ADCY1: variants seen among roughly 807,000 people sequenced by gnomAD.
ADCY1 encodes adenylate cyclase 1.
Under a neutral mutation model 105.4 loss-of-function variants are expected in ADCY1, and 28 were observed. The ratio of observed to expected loss-of-function variants is 0.27; its 90% CI spans 0.20 to 0.36. The LOEUF (loss-of-function observed/expected upper bound fraction) is 0.36, where lower values mean the gene tolerates loss of function less well. ADCY1 is among the 10% of genes least tolerant of loss of function. ADCY1 has a pLI of 1.00. For synonymous variants in ADCY1, 655 were observed against 623.8 expected (o/e 1.05, Z -0.75); for missense variants, 977 against 1,434.2 (o/e 0.68, Z 5.15).
intron 4 of ADCY1, among the ~76,000 whole-genome samples, chr7:45,624,789 C>G (rs1794005132): frequency 6.6e-6 from 1 of 152,204 alleles, no homozygotes; most frequent in East Asian, 1.9e-4. Flanking sequence ...AGCTGGTCAT[C>G]TTGGGAACTT....
intron 7 of ADCY1, among the ~76,000 whole-genome samples, chr7:45,660,794 C>A (rs1039647592): frequency 6.4e-5 from 8 of 125,426 alleles, no homozygotes; most frequent in African/African-American, 1.9e-4. Context: ...GGTGAGGGTG[C>A]AGGGCTCAGG....
rs1785429980 is a variant in ADCY1, at chr7:45,719,639, AC to A, written c.*5645del. The A allele has an allele frequency of 6.6e-6, 1 of 152,274 alleles. No individual in the cohort carries two copies. The highest frequency in any genetic ancestry group is 1.5e-5 in the Non-Finnish European group (1 of 68,048). The allele number at this position is 152,274 out of a possible 1,614,324, so 9.4% of individuals were successfully genotyped here. ...TCAAATCCATGTGTGTGCCTGCATT[AC>A]ATGTGTGAACACGTGTTTCTGTCGT... On this transcript the variant is annotated 3_prime_UTR_variant, in exon 20 of 20. Transcript: ENST00000297323.
Position 45,579,865 on chromosome 7 carries a change from G to T in ADCY1, c.639+4683G>T, listed in dbSNP as rs533461200. On this transcript the variant is annotated intron_variant, in intron 1 of 19. Coordinates refer to ENST00000297323, the MANE Select transcript of ADCY1 (RefSeq NM_021116.4). The stretch of plus-strand genomic sequence containing the variant: ...TGTGGCAGCCTCGCTGCTTCCTCCA[G>T]CTCCAGATTGCCCCCAGGCCTGTGT... Among the ~76,000 whole-genome samples the T allele has an allele frequency of 3.3e-5, 5 of 152,244 alleles. No homozygotes were observed. In the South Asian group the frequency reaches 1.0e-3, roughly 32 times the overall value.
rs1207921576 is a variant in ADCY1 at position 45,584,891 on chromosome 7, T to C, written c.640-7868T>C. On this transcript the variant is annotated intron_variant, in intron 1 of 19. Transcript: ENST00000297323. ...ATGAGGGCGAGTCTGCTTAGGAGTATGGTGGAAAGTTCAGGAGATGCCAGG... is the reference window on the plus strand; with the variant it reads ...ATGAGGGCGAGTCTGCTTAGGAGTACGGTGGAAAGTTCAGGAGATGCCAGG... 2.6e-5 allele frequency among the ~76,000 whole-genome samples: 4 copies of C among 152,232 alleles called. No individual in the cohort carries two copies. The East Asian group carries it at 5.8e-4, about 22-fold the overall frequency.
chr7:45,707,570 A>G (rs1785145570), intron 17 of ADCY1, among the ~76,000 whole-genome samples: 1 of 152,194 alleles, frequency 6.6e-6, no homozygotes, highest in South Asian at 2.1e-4. Context: ...GGGCAGTGAA[A>G]CTGTTGTATG....
In ADCY1 at chr7:45,664,312, T is replaced by G. The variant is rs548882790; in HGVS notation, c.1605+2098T>G. The G allele has an allele frequency of 5.2e-6, 8 of 1,536,146 alleles. No individual in the cohort carries two copies. In the South Asian group the frequency reaches 9.5e-5, roughly 18 times the overall value. ...AGGTTCAGATCCATCCCTCACTGAGTGGCCTGGATGTCCTCCTGGGGTTTT... is the reference window on the plus strand; with the variant it reads ...AGGTTCAGATCCATCCCTCACTGAGGGGCCTGGATGTCCTCCTGGGGTTTT... On this transcript the variant is annotated intron_variant, in intron 8 of 19. Coordinates refer to ENST00000297323, the MANE Select transcript of ADCY1 (RefSeq NM_021116.4).
intron 14 of ADCY1, among the ~76,000 whole-genome samples, chr7:45,690,213 G>C (rs1274732038): frequency 6.6e-6 from 1 of 152,198 alleles, no homozygotes; most frequent in Non-Finnish European, 1.5e-5. Context: ...TGGAGGTAGA[G>C]TGGGTCTCCA....
chr7:45,714,314 C>A lies in ADCY1; in HGVS notation c.*319C>A. ...TTCCAGCAAGCCTGTTCAGGTTTGG[C>A]CAGGTCGGCATCAATGTAAGGACCT... On this transcript the variant is annotated 3_prime_UTR_variant, in exon 20 of 20. Transcript: ENST00000297323. 1 of 376,872 alleles carries A rather than the reference C, an allele frequency of 2.7e-6. No homozygotes were observed. The highest frequency in any genetic ancestry group is 4.8e-6 in the Non-Finnish European group (1 of 206,648). 23.3% of individuals were successfully genotyped at this position (376,872 alleles called of 1,614,324 possible). A position where few individuals can be genotyped will look rare whatever the true frequency, so the allele number is the denominator to read the frequency against.
intron 19 of ADCY1, among the ~76,000 whole-genome samples, chr7:45,712,226 T>C (rs1317646106): frequency 2.5e-5 from 3 of 117,920 alleles, no homozygotes; most frequent in Non-Finnish European, 3.7e-5. Flanking sequence ...TAATATTAAA[T>C]ATATAAATAT....
At chr7:45,639,710 C>A (rs111921799) in intron 4 of ADCY1, among the ~76,000 whole-genome samples, 1 of 152,214 alleles carries the variant, frequency 6.6e-6, no homozygotes, top group East Asian at 1.9e-4. Flanking sequence ...TGTTTCCTGG[C>A]GCATGCCAGA....
intron 5 of ADCY1, among the ~76,000 whole-genome samples, chr7:45,650,852 G>A (rs1024627802): frequency 5.9e-5 from 9 of 152,152 alleles, no homozygotes; most frequent in East Asian, 1.9e-4. Context: ...CTGCGTCTAC[G>A]CTCTGGTTCT....
intron 4 of ADCY1, among the ~76,000 whole-genome samples, chr7:45,623,877 G>C (rs900100616): frequency 6.6e-6 from 1 of 152,188 alleles, no homozygotes; most frequent in Non-Finnish European, 1.5e-5. Flanking sequence ...ACCCACCCGA[G>C]TTTCCTTGGA....
upstream of ADCY1, chr7:45,574,204 C>A: frequency 2.1e-6 from 2 of 932,776 alleles, no homozygotes; most frequent in Non-Finnish European, 2.6e-6. This position sits in a 1 kb window ranked among gnomAD's most constrained non-coding sequence, Gnocchi z 7.0. Context: ...CGAGGTCACG[C>A]GGCTCCTCCG....
At chr7:45,652,528 G>C (rs956826349) in intron 5 of ADCY1, among the ~76,000 whole-genome samples, 2 of 152,212 alleles carry the variant, frequency 1.3e-5, no homozygotes, top group African/African-American at 4.8e-5. Flanking sequence ...AAGTGGGAAA[G>C]ATCTTGTTTT....
At chr7:45,613,342 A>G (rs913029545) in intron 3 of ADCY1, among the ~76,000 whole-genome samples, 1 of 152,218 alleles carries the variant, frequency 6.6e-6, no homozygotes, top group African/African-American at 2.4e-5. Flanking sequence ...GCAGAATAAA[A>G]GATCAGTGAA....
Position 45,687,407 on chromosome 7 carries a change from C to T in ADCY1, c.2454+734C>T, listed in dbSNP as rs958436478. On this transcript the variant is annotated intron_variant, in intron 14 of 19. Transcript: ENST00000297323. ...ACCCCATGGCCAGGGGCCAAGGCAG[C>T]GTGTGGGTGCTGGTGTGAGCATCTT... Among the ~76,000 whole-genome samples, 14 of 152,182 alleles carry T rather than the reference C, an allele frequency of 9.2e-5. No individual in the cohort carries two copies. In the South Asian group the frequency reaches 1.2e-3, roughly 14 times the overall value.
At chr7:45,644,673 C>T (rs572038404) in intron 4 of ADCY1, among the ~76,000 whole-genome samples, 2 of 152,314 alleles carry the variant, frequency 1.3e-5, no homozygotes, top group South Asian at 4.1e-4. Flanking sequence ...ATCTCATCTT[C>T]TTCTTTCTTC....
chr7:45,582,373 A>G (rs985101802), intron 1 of ADCY1, among the ~76,000 whole-genome samples: 1 of 152,118 alleles, frequency 6.6e-6, no homozygotes, highest in Non-Finnish European at 1.5e-5. Context: ...TGTGAAGGGA[A>G]GCCAGGCTGC....
chr7:45,585,023 A>C (rs549004822), intron 1 of ADCY1, among the ~76,000 whole-genome samples: 1 of 152,376 alleles, frequency 6.6e-6, no homozygotes, highest in South Asian at 2.1e-4. Context: ...GGTGTGCACC[A>C]TGTGCCAGCC....
Sources: allele counts gnomAD v4.1 joint callset (sites outside exome capture counted in the v4.1 genomes callset), GRCh38; gene constraint gnomAD v4.1.1; non-coding constraint Gnocchi (gnomAD v3.1); transcripts MANE v1.5; gene names NCBI Gene and HGNC (gene_info 2026-07-23, HGNC 2026-07-21).